The following ARB2A variants were observed in gnomAD, a reference collection of about 807,000 sequenced individuals.
The protein encoded by ARB2A is cotranscriptional regulator ARB2A.
the ARB2A span, chr5:94,053,119 CACTT>C: frequency 1.8e-5 from 22 of 1,197,330 alleles, no homozygotes; most frequent in African/African-American, 3.6e-4. Flanking sequence ...ATAGATAACC[CACTT>C]ACTTTCATTA....
chr5:93,940,398 T>C, the ARB2A span, among the ~76,000 whole-genome samples: 2 of 152,140 alleles, frequency 1.3e-5, no homozygotes, highest in Non-Finnish European at 2.9e-5. Flanking sequence ...CCAGGAACCA[T>C]TGTTGAAATT....
At chr5:94,028,535 T>C in the ARB2A span, among the ~76,000 whole-genome samples, 2 of 152,266 alleles carry the variant, frequency 1.3e-5, no homozygotes, top group African/African-American at 4.8e-5. Context: ...CCAAGAACAC[T>C]AAAATGAAGC....
At chr5:94,074,863 T>G in the ARB2A span, 11 of 737,230 alleles carry the variant, frequency 1.5e-5, no homozygotes, top group Non-Finnish European at 2.4e-5. Context: ...TTAATCTCTC[T>G]ATGCTAATTT....
At chr5:93,748,910 T>C in the ARB2A span, among the ~76,000 whole-genome samples, 1 of 152,176 alleles carries the variant, frequency 6.6e-6, no homozygotes, top group Non-Finnish European at 1.5e-5. Context: ...ACTTATGGTA[T>C]GGTTTAACCA....
At chr5:93,735,060 G>A in the ARB2A span, 2 of 152,094 alleles carry the variant, frequency 1.3e-5, no homozygotes. Context: ...CCTGGCCAAT[G>A]TATCTTGGTT....
chr5:94,071,985 T>C, the ARB2A span, among the ~76,000 whole-genome samples: 2 of 152,098 alleles, frequency 1.3e-5, no homozygotes, highest in Non-Finnish European at 2.9e-5. Context: ...AATGGGTCAA[T>C]GGTTAAACAA....
the ARB2A span, among the ~76,000 whole-genome samples, chr5:93,753,646 T>C: frequency 6.6e-6 from 1 of 152,194 alleles, no homozygotes; most frequent in Non-Finnish European, 1.5e-5. Context: ...CCTTTTCCTT[T>C]CTTCTTTTTA....
At chr5:93,802,952 A>T in the ARB2A span, among the ~76,000 whole-genome samples, 4 of 152,130 alleles carry the variant, frequency 2.6e-5, no homozygotes, top group African/African-American at 9.7e-5. Context: ...TTTCGCTAAC[A>T]TCCAGAAGGA....
At chr5:93,830,313 A>ACGTGTG in the ARB2A span, among the ~76,000 whole-genome samples, 1 of 51,362 alleles carries the variant, frequency 1.9e-5, no homozygotes, top group Non-Finnish European at 3.4e-5. Flanking sequence ...GTGTGTGTGT[A>ACGTGTG]TATATATATA....
chr5:93,631,102 C>G, the ARB2A span, among the ~76,000 whole-genome samples: 1 of 152,058 alleles, frequency 6.6e-6, no homozygotes, highest in East Asian at 2.0e-4. Flanking sequence ...TCAGGCTGGT[C>G]TCGAACTCCT....
chr5:93,855,725 T>C, the ARB2A span, among the ~76,000 whole-genome samples: 41 of 152,264 alleles, frequency 2.7e-4, no homozygotes, highest in Middle Eastern at 3.4e-3. Flanking sequence ...TGAAGCTTAG[T>C]TTGGCTGGAT....
chr5:94,001,030 C>A, the ARB2A span, among the ~76,000 whole-genome samples: 1 of 151,986 alleles, frequency 6.6e-6, no homozygotes, highest in East Asian at 1.9e-4. Flanking sequence ...TAGCCAATAC[C>A]ACATCATCTT....
chr5:93,622,679 G>A, the ARB2A span, among the ~76,000 whole-genome samples: 3 of 152,126 alleles, frequency 2.0e-5, no homozygotes, highest in Non-Finnish European at 2.9e-5. Context: ...CTAAGACCCA[G>A]TATTAAAGTC....
the ARB2A span, among the ~76,000 whole-genome samples, chr5:93,748,384 G>A: frequency 6.6e-6 from 1 of 152,088 alleles, no homozygotes; most frequent in Non-Finnish European, 1.5e-5. Flanking sequence ...TTTAAATACT[G>A]TACTGCTGTA....
At chr5:93,930,595 G>A in the ARB2A span, among the ~76,000 whole-genome samples, 28 of 152,144 alleles carry the variant, frequency 1.8e-4, no homozygotes, top group Non-Finnish European at 1.5e-5. Flanking sequence ...TCAGATAGAA[G>A]AAAAGACAAG....
chr5:94,013,555 T>C, the ARB2A span, among the ~76,000 whole-genome samples: 1 of 152,116 alleles, frequency 6.6e-6, no homozygotes, highest in Non-Finnish European at 1.5e-5. Context: ...CTTTGGGGCA[T>C]GATTTCACAT....
chr5:93,973,408 A>C, the ARB2A span, among the ~76,000 whole-genome samples: 1 of 152,156 alleles, frequency 6.6e-6, no homozygotes, highest in Non-Finnish European at 1.5e-5. Flanking sequence ...GCCTTCAAGA[A>C]ATATGGGATT....
chr5:93,960,468 C>T, the ARB2A span, among the ~76,000 whole-genome samples: 1 of 152,256 alleles, frequency 6.6e-6, no homozygotes, highest in East Asian at 1.9e-4. Flanking sequence ...TATTCACGGC[C>T]TGCTCCCTCC....
chr5:93,990,523 G>C, the ARB2A span, among the ~76,000 whole-genome samples: 1 of 148,316 alleles, frequency 6.7e-6, no homozygotes, highest in Middle Eastern at 3.6e-3. Context: ...AGAAAGATAG[G>C]CTATCTTAAG....
Sources: allele counts gnomAD v4.1 joint callset (sites outside exome capture counted in the v4.1 genomes callset), GRCh38; gene constraint gnomAD v4.1.1; transcripts MANE v1.5; gene names NCBI Gene and HGNC (gene_info 2026-07-23, HGNC 2026-07-21).